NUP98: variants seen among roughly 807,000 people sequenced by gnomAD.
NUP98 encodes the protein nucleoporin 98 and 96 precursor.
In NUP98, 26 loss-of-function variants were observed where a neutral mutation model predicts 191.9. The ratio of observed to expected loss-of-function variants is 0.14; its 90% confidence interval spans 0.10 to 0.19. The LOEUF (loss-of-function observed/expected upper bound fraction) is 0.19. Among genes scored for constraint, NUP98 ranks in the 10% least tolerant of loss-of-function variants. The pLI is 1.00. For missense variants in NUP98, 1,941 were observed against 2,178.8 expected (o/e 0.89, Z 2.17); for synonymous variants, 808 against 778.4 (o/e 1.04, Z -0.63).
intron 1 of NUP98, among the ~76,000 whole-genome samples, chr11:3,783,779 T>C (rs139671204): frequency 1.2e-4 from 19 of 152,314 alleles, no homozygotes; most frequent in African/African-American, 4.6e-4. Flanking sequence ...CCCGGTCATT[T>C]AAGGAACTGA....
At chr11:3,764,312 T>C (rs1335672557) in intron 8 of NUP98, among the ~76,000 whole-genome samples, 1 of 152,262 alleles carries the variant, frequency 6.6e-6, no homozygotes, top group African/African-American at 2.4e-5. Flanking sequence ...CAATATTCCA[T>C]TGTATGCATA....
chr11:3,744,714 A>G, intron 11 of NUP98, 65 bp from the exon 12 acceptor site: 1 of 1,531,822 alleles, frequency 6.5e-7, no homozygotes, highest in Non-Finnish European at 8.8e-7. Flanking sequence ...GCCAGAGGTC[A>G]GTTACTTAAA....
chr11:3,709,433 GTGGCTCC>G (rs2078965798), intron 20 of NUP98, among the ~76,000 whole-genome samples: 1 of 152,020 alleles, frequency 6.6e-6, no homozygotes, highest in African/African-American at 2.4e-5. Flanking sequence ...GCAGGGCGCT[GTGGCTCC>G]TGGCCTATAA....
chr11:3,772,034 A>T, intron 6 of NUP98, 106 bp from the exon 7 acceptor site: 1 of 901,498 alleles, frequency 1.1e-6, no homozygotes, highest in Non-Finnish European at 1.7e-6. Flanking sequence ...TTCACATAGG[A>T]ACCATAACTA....
chr11:3,726,357 G>GA (rs2079616149), intron 14 of NUP98, among the ~76,000 whole-genome samples: 1 of 151,424 alleles, frequency 6.6e-6, no homozygotes, highest in South Asian at 2.1e-4. Flanking sequence ...AAAAACTGAT[G>GA]AAATAGGAAA....
chr11:3,675,573 C>G lies in NUP98; in HGVS notation c.*586G>C, dbSNP rs2133985820. 1 of 236,538 alleles carries G rather than the reference C, an allele frequency of 4.2e-6. No individual in the cohort carries two copies. The highest frequency in any genetic ancestry group is 6.2e-5 in the East Asian group (1 of 16,238). The allele number at this position is 236,538 out of a possible 1,614,324, so 14.7% of individuals were successfully genotyped here. Reference sequence around the variant, plus strand: ...CAAAAACAGCCCTGAAGATCAATCCCTCCGTGACAGGCATTCACTTCTGCC... The same window carrying G: ...CAAAAACAGCCCTGAAGATCAATCCGTCCGTGACAGGCATTCACTTCTGCC... On this transcript the variant is annotated 3_prime_UTR_variant, in exon 33 of 33. Transcript: ENST00000324932.
At chr11:3,769,332 G>T (rs1424314471) in intron 7 of NUP98, among the ~76,000 whole-genome samples, 3 of 152,034 alleles carry the variant, frequency 2.0e-5, no homozygotes, top group Non-Finnish European at 4.4e-5. Flanking sequence ...AGACCGAGGT[G>T]GGTATATGGC....
rs1050689534 is a variant in NUP98 at position 3,733,548 on chromosome 11, G to A, written c.1542+1643C>T. ...GCTGGTCTTGAACTCCTGAACTCAG[G>A]TGATCTCCCCACCTCGGCCTCCCAA... On this transcript the variant is annotated intron_variant, in intron 13 of 32. Coordinates refer to ENST00000324932, the MANE Select transcript of NUP98 (RefSeq NM_016320.5). 2.6e-5 allele frequency among the ~76,000 whole-genome samples: 4 copies of A among 152,094 alleles called. No individual in the cohort carries two copies. In the South Asian group the frequency reaches 6.2e-4, roughly 24 times the overall value.
At chr11:3,769,710 C>T (rs1398983600) in intron 7 of NUP98, among the ~76,000 whole-genome samples, 2 of 151,870 alleles carry the variant, frequency 1.3e-5, no homozygotes, top group South Asian at 2.1e-4. Context: ...GAGTTCGAGA[C>T]CAGCATGGCC....
At chr11:3,690,993 A>G (rs1413431201) in intron 28 of NUP98, among the ~76,000 whole-genome samples, 1 of 152,200 alleles carries the variant, frequency 6.6e-6, no homozygotes, top group Non-Finnish European at 1.5e-5. Context: ...TAGTAACAAA[A>G]AACTAGTCAA....
chr11:3,786,047 G>A (rs1012645843), intron 1 of NUP98, among the ~76,000 whole-genome samples: 4 of 151,988 alleles, frequency 2.6e-5, no homozygotes, highest in Non-Finnish European at 2.9e-5. Context: ...ATTATCTCAT[G>A]TAAACCTCCC....
intron 13 of NUP98, among the ~76,000 whole-genome samples, chr11:3,732,208 A>T (rs2079876926): frequency 6.6e-6 from 1 of 152,162 alleles, no homozygotes; most frequent in Non-Finnish European, 1.5e-5. Context: ...AGATCGCACC[A>T]CTGCACTCCA....
At chr11:3,703,783 C>A (rs1406747574) in intron 22 of NUP98, among the ~76,000 whole-genome samples, 2 of 152,158 alleles carry the variant, frequency 1.3e-5, no homozygotes, top group African/African-American at 2.4e-5. Context: ...AGGTATCTTA[C>A]AATTGTACAT....
intron 31 of NUP98, among the ~76,000 whole-genome samples, chr11:3,679,022 C>T (rs977783616): frequency 3.3e-5 from 5 of 149,516 alleles, no homozygotes; most frequent in African/African-American, 7.4e-5. Flanking sequence ...ACTTGGGAGG[C>T]TGGGGCATGA....
At chr11:3,705,595 G>A (rs1589994991) in intron 21 of NUP98, among the ~76,000 whole-genome samples, 4 of 152,264 alleles carry the variant, frequency 2.6e-5, no homozygotes, top group Admixed American at 2.0e-4. Context: ...CACAGCAGTT[G>A]CTATGTTTGC....
intron 10 of NUP98, among the ~76,000 whole-genome samples, chr11:3,759,544 C>T (rs2081093509): frequency 6.6e-6 from 1 of 151,926 alleles, no homozygotes; most frequent in African/African-American, 2.4e-5. Context: ...TTGCAGTGAG[C>T]CAAGATCGAG....
intron 10 of NUP98, among the ~76,000 whole-genome samples, chr11:3,758,988 A>G (rs1040047682): frequency 3.9e-5 from 6 of 152,238 alleles, no homozygotes; most frequent in African/African-American, 1.2e-4. Flanking sequence ...GTACCTATCA[A>G]TGAACTATCT....
At chr11:3,773,827 A>G in intron 5 of NUP98, 88 bp from the exon 6 acceptor site, 1 of 732,306 alleles carries the variant, frequency 1.4e-6, no homozygotes, top group Non-Finnish European at 2.3e-6. Flanking sequence ...TGAACTCTAA[A>G]ACTAGTCCCC....
intron 11 of NUP98, 137 bp downstream of exon 11, chr11:3,753,179 G>T: frequency 1.4e-6 from 1 of 716,058 alleles, no homozygotes; most frequent in Non-Finnish European, 2.4e-6. Context: ...TGCTGGGAAT[G>T]TCTTATAAAC....
Sources: gnomAD v4.1 joint callset for allele counts (sites outside exome capture counted in the v4.1 genomes callset) on GRCh38, gnomAD v4.1.1 for gene constraint, MANE v1.5 for transcripts, NCBI Gene and HGNC (gene_info 2026-07-23, HGNC 2026-07-21) for gene names.